The following PRKG1 variants were observed in gnomAD, a reference collection of about 807,000 sequenced individuals.
PRKG1 encodes the protein protein kinase cGMP-dependent 1.
Under a neutral mutation model 88.1 loss-of-function variants are expected in PRKG1, and 35 were observed. The ratio of observed to expected loss-of-function variants is 0.40; its 90% CI spans 0.30 to 0.53. The LOEUF is 0.53. Among genes scored for constraint, PRKG1 ranks in the 20% least tolerant of loss-of-function variants. PRKG1 has a pLI of 0.59. For missense variants in PRKG1, 540 were observed against 839.8 expected, an observed-to-expected ratio of 0.64 and a Z score of 4.41; for synonymous variants, 303 against 292.5, an observed-to-expected ratio of 1.04 and a Z score of -0.37.
At chr10:52,223,580 C>G (rs1840307067) in intron 9 of PRKG1, among the ~76,000 whole-genome samples, 1 of 152,152 alleles carries the variant, frequency 6.6e-6, no homozygotes, top group South Asian at 2.1e-4. Context: ...CAGGTAGTCT[C>G]ACAGCTTTCG....
chr10:51,631,086 G>C (rs1035170274), intron 3 of PRKG1, among the ~76,000 whole-genome samples: 4 of 152,176 alleles, frequency 2.6e-5, no homozygotes, highest in African/African-American at 9.7e-5. Flanking sequence ...AAAAGGGCTT[G>C]GAGAATGTAA....
At chr10:51,897,585 C>A (rs888571523) in intron 4 of PRKG1, among the ~76,000 whole-genome samples, 1 of 152,024 alleles carries the variant, frequency 6.6e-6, no homozygotes, top group Non-Finnish European at 1.5e-5. Context: ...GAAAATAACT[C>A]GCTTATTGAA....
At chr10:51,011,941 A>C (rs771922142) in intron 1 of PRKG1, among the ~76,000 whole-genome samples, 1 of 152,200 alleles carries the variant, frequency 6.6e-6, no homozygotes, top group African/African-American at 2.4e-5. Flanking sequence ...GTTGAAAGGC[A>C]TGTCTTCCAT....
At chr10:51,491,194 G>T (rs773587705) in intron 3 of PRKG1, among the ~76,000 whole-genome samples, 2 of 152,086 alleles carry the variant, frequency 1.3e-5, no homozygotes, top group African/African-American at 4.8e-5. Flanking sequence ...GATTTGGAGT[G>T]AGGTTGATTT....
chr10:52,175,614 G>A (rs575211961), intron 9 of PRKG1, among the ~76,000 whole-genome samples: 10 of 151,948 alleles, frequency 6.6e-5, no homozygotes, highest in South Asian at 2.1e-4. Flanking sequence ...TCCCACCGAC[G>A]GTATACAAGA....
At chr10:52,122,662 G>C (rs898126238) in intron 7 of PRKG1, among the ~76,000 whole-genome samples, 3 of 152,232 alleles carry the variant, frequency 2.0e-5, no homozygotes, top group South Asian at 4.1e-4. Context: ...AATTTGTAAG[G>C]CTTTGCCAAA....
chr10:51,780,303 C>G (rs999092317), intron 3 of PRKG1, among the ~76,000 whole-genome samples: 2 of 151,994 alleles, frequency 1.3e-5, no homozygotes, highest in African/African-American at 4.8e-5. Flanking sequence ...CTTCATAAGG[C>G]ACAGTGATTT....
rs1477089320 is a variant in PRKG1, at chr10:51,818,778, C to T, written c.698+14088C>T. On this transcript the variant is annotated intron_variant, in intron 4 of 17. Coordinates refer to ENST00000373980, the MANE Select transcript of PRKG1 (RefSeq NM_006258.4). Reference sequence around the variant, plus strand: ...ATCCCAGCACTTTGGGAGGCCGAGGCGGGCGGATCACGAGGTCAGGAGATC... The same window carrying T: ...ATCCCAGCACTTTGGGAGGCCGAGGTGGGCGGATCACGAGGTCAGGAGATC... Among the ~76,000 whole-genome samples, 19 of 99,018 alleles carry T rather than the reference C, an allele frequency of 1.9e-4. 4 individuals carry two copies. The highest frequency in any genetic ancestry group is 1.7e-4 in the Admixed American group (2 of 11,876). 65.0% of individuals were successfully genotyped at this position (99,018 alleles called of 152,430 possible).
chr10:51,234,186 G>A (rs368388554), intron 2 of PRKG1, among the ~76,000 whole-genome samples: 1 of 151,992 alleles, frequency 6.6e-6, no homozygotes, highest in African/African-American at 2.4e-5. Flanking sequence ...AGATCCTCTC[G>A]CCTTTTGAGA....
At chr10:51,083,947 G>A (rs997308024) in intron 1 of PRKG1, among the ~76,000 whole-genome samples, 1 of 152,098 alleles carries the variant, frequency 6.6e-6, no homozygotes, top group Non-Finnish European at 1.5e-5. Flanking sequence ...AGCCAATATA[G>A]CACTTTATAT....
At chr10:51,163,402 A>C (rs779613766) in intron 2 of PRKG1, among the ~76,000 whole-genome samples, 1 of 152,190 alleles carries the variant, frequency 6.6e-6, no homozygotes, top group Non-Finnish European at 1.5e-5. Context: ...CAAATATGGG[A>C]GGGCAGCCAA....
At position 52,155,484 on chromosome 10, in the gene PRKG1, G is replaced by A. The variant is rs115205578; in HGVS notation, c.1002-6405G>A. ...ATTGGATATTTCTATGTAACCAGGC[G>A]TGTCCTACATGCTTGACTGGATAGT... On this transcript the variant is annotated intron_variant, in intron 8 of 17. Transcript: ENST00000373980. 6.8e-3 allele frequency among the ~76,000 whole-genome samples: 1,028 copies of A among 151,648 alleles called. 13 individuals carry two copies. The highest frequency in any genetic ancestry group is 0.022 in the African/African-American group (928 of 41,366).
chr10:51,273,018 A>G (rs143772456), intron 2 of PRKG1, among the ~76,000 whole-genome samples: 1 of 152,318 alleles, frequency 6.6e-6, no homozygotes, highest in African/African-American at 2.4e-5. Context: ...CACAACTACT[A>G]TTCACTTTTT....
At chr10:51,079,475 C>T (rs929260750) in intron 1 of PRKG1, among the ~76,000 whole-genome samples, 1 of 152,092 alleles carries the variant, frequency 6.6e-6, no homozygotes. Flanking sequence ...AAATACATTC[C>T]AAGCCATTAG....
chr10:51,083,336 T>C (rs1358075487), intron 1 of PRKG1, among the ~76,000 whole-genome samples: 1 of 152,160 alleles, frequency 6.6e-6, no homozygotes. Context: ...GTTTGTTTGT[T>C]TTGTTTTTAA....
rs149834568 is a variant in PRKG1 at position 51,822,266 on chromosome 10, C to T, written c.698+17576C>T. On this transcript the variant is annotated intron_variant, in intron 4 of 17. Transcript: ENST00000373980. The stretch of plus-strand genomic sequence containing the variant: ...CTTAAAAAGAGAAAATACTGCCATT[C>T]GCAACATGGATGAGCATTGAGGACA... 4.9e-3 allele frequency among the ~76,000 whole-genome samples: 751 copies of T among 151,946 alleles called. 1 individual carries two copies. The highest frequency in any genetic ancestry group is 7.8e-3 in the Non-Finnish European group (533 of 67,962).
intron 9 of PRKG1, among the ~76,000 whole-genome samples, chr10:52,244,941 A>G (rs889040835): frequency 6.9e-6 from 1 of 145,326 alleles, no homozygotes; most frequent in African/African-American, 2.5e-5. Context: ...TACTTTAAAT[A>G]TATATTTAAA....
At chr10:51,431,032 T>C (rs1265949262) in intron 2 of PRKG1, among the ~76,000 whole-genome samples, 1 of 152,120 alleles carries the variant, frequency 6.6e-6, no homozygotes, top group Non-Finnish European at 1.5e-5. Flanking sequence ...TTCTACAAAT[T>C]AACTGAACAT....
At chr10:52,270,991 T>G (rs1841713081) in intron 10 of PRKG1, among the ~76,000 whole-genome samples, 1 of 152,076 alleles carries the variant, frequency 6.6e-6, no homozygotes, top group Non-Finnish European at 1.5e-5. Context: ...GAAATAAAAT[T>G]GGAAAAGAAG....
Sources: gnomAD v4.1 joint callset for allele counts (sites outside exome capture counted in the v4.1 genomes callset) on GRCh38, gnomAD v4.1.1 for gene constraint, MANE v1.5 for transcripts, NCBI Gene and HGNC (gene_info 2026-07-23, HGNC 2026-07-21) for gene names.